Variants in ENC1 observed in about 807,000 individuals in gnomAD.
ENC1 encodes the protein ectodermal-neural cortex 1.
A neutral mutation model predicts 40.9 loss-of-function variants in ENC1; 19 were observed. The observed-to-expected ratio is 0.46, with a 90% CI of 0.32 to 0.68. The LOEUF (loss-of-function observed/expected upper bound fraction) is 0.68, where lower values mean the gene tolerates loss of function less well. Among genes scored for constraint, ENC1 ranks in the 30% least tolerant of loss-of-function variants. ENC1 has a pLI of 0.03. For missense variants in ENC1, 479 were observed against 737.5 expected, an observed-to-expected ratio of 0.65 and a Z score of 4.06; for synonymous variants, 285 against 291.1, an observed-to-expected ratio of 0.98 and a Z score of 0.21.
Position 74,635,605 on chromosome 5 carries a change from C to A in ENC1, c.881G>T (p.Gly294Val), listed in dbSNP as rs1039755292. Residue 294 changes from glycine (G) to valine (V), a missense_variant, in exon 2 of 3, where the codon GGC becomes GTC. Gly to Val is a moderately radical substitution (Grantham distance 109, BLOSUM62 -3). Transcript: ENST00000302351. This position sits in a 1 kb window ranked among gnomAD's most constrained non-coding sequence, Gnocchi z 5.5. ...TCCTCCCAGAAGGAAGAGGGCATGG[C>A]CAGTTTTCCGAGGTCGGGCACAGAG... Reference protein sequence around the residue: ...TSLCARPRKTGHALFLLGGQT... With the variant: ...TSLCARPRKTVHALFLLGGQT... 1.2e-6 allele frequency: 2 copies of A among 1,614,192 alleles called. No individual in the cohort carries two copies. The highest frequency in any genetic ancestry group is 1.7e-6 in the Non-Finnish European group (2 of 1,180,036).
Position 74,635,644 on chromosome 5 carries a change from C to T in ENC1, c.842G>A (p.Gly281Asp). Residue 281 changes from glycine to aspartate, a missense_variant, in exon 2 of 3, where the codon GGT (glycine) becomes GAT (aspartate). Coordinates refer to ENST00000302351, the MANE Select transcript of ENC1 (RefSeq NM_003633.4). This position sits in a 1 kb window ranked among gnomAD's most constrained non-coding sequence, Gnocchi z 5.5. ...TCGGGCACAGAGGCTGGTTACCACA[C>T]CGTCATTCTGCAGGATTTTCAGTTT... The part of the protein sequence containing the change: ...RCKLKILQND[G>D]VVTSLCARPR... 6.2e-7 allele frequency: 1 copy of T among 1,614,194 alleles called. No homozygotes were observed. Among genetic ancestry groups the T allele is most frequent in the Non-Finnish European group, 8.5e-7 (1 of 1,180,024 alleles).
At position 74,634,454 on chromosome 5, in the gene ENC1, G is replaced by A. The variant is rs572544840; in HGVS notation, c.*32+230C>T. On this transcript the variant is annotated intron_variant, in intron 2 of 2. Transcript: ENST00000302351. The stretch of plus-strand genomic sequence containing the variant: ...ATAAAATAAATAAAAAGCTCTTCAG[G>A]AGATTCTGAGGCTCAGTAAAAGCTG... Among the ~76,000 whole-genome samples, 5 of 152,154 alleles carry A rather than the reference G, an allele frequency of 3.3e-5. No individual in the cohort carries two copies. In the East Asian group the frequency reaches 7.7e-4, roughly 24 times the overall value.
chr5:74,635,343 A>G lies in ENC1; in HGVS notation c.1143T>C (p.His381=), dbSNP rs369592581. 5 of 1,614,154 alleles carry G rather than the reference A, an allele frequency of 3.1e-6. No individual in the cohort carries two copies. Among genetic ancestry groups the G allele is most frequent in the Non-Finnish European group, 4.2e-6 (5 of 1,180,026 alleles). ...GGCAGTGCTTCAGTTCAGCAGAGCC[A>G]TGGCCAAACCTGGCCACCAGCATGG... The part of the protein sequence containing the change: ...AAPMLVARFG[H]GSAELKHCLY... Residue 381 remains histidine, a synonymous_variant, in exon 2 of 3, where the codon CAT becomes CAC. Coordinates refer to ENST00000302351, the MANE Select transcript of ENC1 (RefSeq NM_003633.4). The surrounding 1 kb of genome is among the most constrained non-coding windows in gnomAD (Gnocchi z 5.5).
Position 74,636,885 on chromosome 5 carries a change from C to G in ENC1, c.-13-387G>C, listed in dbSNP as rs1747620524. 6.6e-6 allele frequency among the ~76,000 whole-genome samples: 1 copy of G among 152,234 alleles called. No homozygotes were observed. Among genetic ancestry groups the G allele is most frequent in the Non-Finnish European group, 1.5e-5 (1 of 68,042 alleles). On this transcript the variant is annotated intron_variant, in intron 1 of 2. Coordinates refer to ENST00000302351, the MANE Select transcript of ENC1 (RefSeq NM_003633.4). The surrounding 1 kb of genome is among the most constrained non-coding windows in gnomAD (Gnocchi z 4.8). ...TCCCTGTCCTAGTCCAGCTCATTCA[C>G]TGCGGGCCACTTAAAATGCCAGGTC...
Position 74,629,473 on chromosome 5 carries a change from T to C in ENC1, c.*552A>G, listed in dbSNP as rs964326666. The C allele has an allele frequency of 3.9e-5, 6 of 152,228 alleles. No homozygotes were observed. Among genetic ancestry groups the C allele is most frequent in the Admixed American group, 2.6e-4 (4 of 15,278 alleles). The allele number at this position is 152,228 out of a possible 1,614,324, so 9.4% of individuals were successfully genotyped here. The stretch of plus-strand genomic sequence containing the variant: ...AGTCCCCATTGTTCAGAAACGTTCC[T>C]GGGGAGCAGACCCCTTAGAGATTAA... On this transcript the variant is annotated 3_prime_UTR_variant, in exon 3 of 3. Transcript: ENST00000302351.
chr5:74,636,223 TTGACCTCAC>T lies in ENC1; in HGVS notation c.254_262del (p.Ser85_Val87del). 1.9e-6 allele frequency: 3 copies of T among 1,614,224 alleles called. No individual in the cohort carries two copies. Among genetic ancestry groups the T allele is most frequent in the Non-Finnish European group, 2.5e-6 (3 of 1,180,034 alleles). On this transcript the variant is annotated inframe_deletion, in exon 2 of 3. Coordinates refer to ENST00000302351, the MANE Select transcript of ENC1 (RefSeq NM_003633.4). The surrounding 1 kb of genome is among the most constrained non-coding windows in gnomAD (Gnocchi z 4.8). ...TTCTGGGTGGATGGAATTGTCAAAG[TTGACCTCAC>T]TGTCCTGGCTCTCTTTCAGGCCACC...
Position 74,637,288 on chromosome 5 carries a change from T to G in ENC1, c.-13-790A>C, listed in dbSNP as rs1449243417. ...GCACCACCAAACCCAGATAATTTTT[T>G]GTATTTTTTGTAGAGACCGGGTCTC... On this transcript the variant is annotated intron_variant, in intron 1 of 2. Coordinates refer to ENST00000302351, the MANE Select transcript of ENC1 (RefSeq NM_003633.4). 3.3e-5 allele frequency among the ~76,000 whole-genome samples: 5 copies of G among 152,172 alleles called. No individual in the cohort carries two copies. The East Asian group carries it at 9.6e-4, about 29-fold the overall frequency.
intron 2 of ENC1, 123 bp from the exon 3 acceptor site, chr5:74,630,115 A>T (rs1421004476): frequency 3.3e-5 from 5 of 152,166 alleles, no homozygotes; most frequent in Non-Finnish European, 7.3e-5. Flanking sequence ...CTTGGTATGG[A>T]GCTGGACAAT....
intron 2 of ENC1, among the ~76,000 whole-genome samples, chr5:74,633,084 T>C (rs1324012855): frequency 1.3e-5 from 2 of 152,212 alleles, no homozygotes; most frequent in Non-Finnish European, 2.9e-5. Flanking sequence ...TTTGTTTTCA[T>C]TGTAGTTCCT....
At chr5:74,634,463 A>G (rs1747501555) in intron 2 of ENC1, among the ~76,000 whole-genome samples, 1 of 152,158 alleles carries the variant, frequency 6.6e-6, no homozygotes, top group African/African-American at 2.4e-5. Flanking sequence ...GGAGATTCTG[A>G]GGCTCAGTAA....
In ENC1 at chr5:74,629,107, C is replaced by G. The variant is rs574152434; in HGVS notation, c.*918G>C. The stretch of plus-strand genomic sequence containing the variant: ...GAGAAAAGCGATCTCCACGGTTTCT[C>G]TACCTCTAGGATGTCATTTAAATTT... On this transcript the variant is annotated 3_prime_UTR_variant, in exon 3 of 3. Transcript: ENST00000302351. 6.6e-6 allele frequency: 1 copy of G among 152,316 alleles called. No individual in the cohort carries two copies. The highest frequency in any genetic ancestry group is 1.5e-5 in the Non-Finnish European group (1 of 68,028). 9.4% of individuals were successfully genotyped at this position (152,316 alleles called of 1,614,324 possible).
intron 2 of ENC1, among the ~76,000 whole-genome samples, chr5:74,633,853 G>C (rs1747476103): frequency 6.6e-6 from 1 of 152,156 alleles, no homozygotes. Flanking sequence ...AATGCATGAA[G>C]GTTTTTTCAT....
chr5:74,627,765 G>A lies in ENC1; in HGVS notation c.*2260C>T, dbSNP rs934610560. The A allele has an allele frequency of 6.6e-6, 1 of 152,636 alleles. No individual in the cohort carries two copies. Among genetic ancestry groups the A allele is most frequent in the Non-Finnish European group, 1.5e-5 (1 of 68,042 alleles). 9.5% of individuals were successfully genotyped at this position (152,636 alleles called of 1,614,324 possible). ...TTATGCCAAGGTTTTTGTGTGTACT[G>A]TGCTGTGAATTGTATTTGCTTCAAA... On this transcript the variant is annotated 3_prime_UTR_variant, in exon 3 of 3. Transcript: ENST00000302351.
At chr5:74,639,101 C>A (rs970237) in intron 1 of ENC1, among the ~76,000 whole-genome samples, 2 of 152,168 alleles carry the variant, frequency 1.3e-5, no homozygotes, top group Admixed American at 1.3e-4. Flanking sequence ...TTGGATACCA[C>A]CCAGATGGAA....
In ENC1 at chr5:74,635,645, C is replaced by T. The variant is rs1383586342; in HGVS notation, c.841G>A (p.Gly281Ser). 3.1e-6 allele frequency: 5 copies of T among 1,614,032 alleles called. No homozygotes were observed. Among genetic ancestry groups the T allele is most frequent in the East Asian group, 2.2e-5 (1 of 44,892 alleles). The change falls in exon 2 of 3, where the codon GGT becomes AGT. Residue 281 changes from glycine (G) to serine (S), a missense_variant. Coordinates refer to ENST00000302351, the MANE Select transcript of ENC1 (RefSeq NM_003633.4). This position sits in a 1 kb window ranked among gnomAD's most constrained non-coding sequence, Gnocchi z 5.5. ...CGGGCACAGAGGCTGGTTACCACACCGTCATTCTGCAGGATTTTCAGTTTG... is the reference window on the plus strand; with the variant it reads ...CGGGCACAGAGGCTGGTTACCACACTGTCATTCTGCAGGATTTTCAGTTTG... ...RCKLKILQNDGVVTSLCARPR... is the reference protein window; with the variant it reads ...RCKLKILQNDSVVTSLCARPR...
chr5:74,631,181 CACAACAACA>C (rs368996589), intron 2 of ENC1, among the ~76,000 whole-genome samples: 63 of 150,120 alleles, frequency 4.2e-4, no homozygotes, highest in Non-Finnish European at 6.8e-4. Context: ...AAAAAGGACA[CACAACAACA>C]ACAACAACAA....
rs574162944 is a variant in ENC1, at chr5:74,636,816, A to G, written c.-13-318T>C. On this transcript the variant is annotated intron_variant, in intron 1 of 2. Coordinates refer to ENST00000302351, the MANE Select transcript of ENC1 (RefSeq NM_003633.4). The surrounding 1 kb of genome is among the most constrained non-coding windows in gnomAD (Gnocchi z 4.8). The stretch of plus-strand genomic sequence containing the variant: ...TCAGGCCATCGAAGTCTTTTAGAAT[A>G]TAAGTCAGCAAAAGCCAAGAGGAGT... 1.3e-5 allele frequency among the ~76,000 whole-genome samples: 2 copies of G among 152,242 alleles called. No individual in the cohort carries two copies. Among genetic ancestry groups the G allele is most frequent in the African/African-American group, 4.8e-5 (2 of 41,542 alleles).
In ENC1 at chr5:74,628,333, T is replaced by G. The variant is rs917172718; in HGVS notation, c.*1692A>C. The G allele has an allele frequency of 6.6e-6, 1 of 152,656 alleles. No homozygotes were observed. 9.5% of individuals were successfully genotyped at this position (152,656 alleles called of 1,614,324 possible). On this transcript the variant is annotated 3_prime_UTR_variant, in exon 3 of 3. Coordinates refer to ENST00000302351, the MANE Select transcript of ENC1 (RefSeq NM_003633.4). The stretch of plus-strand genomic sequence containing the variant: ...AACACAGTCACAATGTAAAAGGTTG[T>G]TATCAGTCTTAACCCCTATTTTCTA...
intron 2 of ENC1, among the ~76,000 whole-genome samples, chr5:74,633,622 C>A (rs1205161549): frequency 6.6e-6 from 1 of 151,910 alleles, no homozygotes; most frequent in Non-Finnish European, 1.5e-5. Flanking sequence ...ATTTTTAAAC[C>A]CTAATCATTC....
Sources: gnomAD v4.1 joint callset for allele counts (sites outside exome capture counted in the v4.1 genomes callset) on GRCh38, gnomAD v4.1.1 for gene constraint, Gnocchi (gnomAD v3.1) non-coding constraint, MANE v1.5 for transcripts, NCBI Gene and HGNC (gene_info 2026-07-23, HGNC 2026-07-21) for gene names.